TMPRSS11E: variants seen among roughly 807,000 people sequenced by gnomAD.
TMPRSS11E encodes the protein transmembrane protease serine 11E.
Under a neutral mutation model 48.1 loss-of-function variants are expected in TMPRSS11E, and 38 were observed. The ratio of observed to expected loss-of-function variants is 0.79; its 90% confidence interval spans 0.61 to 1.04. The LOEUF (loss-of-function observed/expected upper bound fraction) is 1.04, where lower values mean the gene tolerates loss of function less well. Among genes scored for constraint, TMPRSS11E ranks in the 50% least tolerant of loss-of-function variants. The pLI, the probability that TMPRSS11E is intolerant of heterozygous loss-of-function variation, is 0.00. For missense variants in TMPRSS11E, 530 were observed against 510.8 expected (o/e 1.04, Z -0.36); for synonymous variants, 158 against 171.9 (o/e 0.92, Z 0.63).
rs144731720 is a variant in TMPRSS11E, at chr4:68,487,532, G to A, written c.1110+8541G>A. ...CTTCCAAAGTGCTGGGATTACAGGCGTGAGAAACCATGCCTAGCCAGGTAA... is the reference window on the plus strand; with the variant it reads ...CTTCCAAAGTGCTGGGATTACAGGCATGAGAAACCATGCCTAGCCAGGTAA... On this transcript the variant is annotated intron_variant, in intron 9 of 9. Transcript: ENST00000305363. Among the ~76,000 whole-genome samples, 455 of 152,162 alleles carry A rather than the reference G, an allele frequency of 3.0e-3. 3 individuals carry two copies. Among genetic ancestry groups the A allele is most frequent in the African/African-American group, 0.01 (426 of 41,502 alleles).
intron 1 of TMPRSS11E, among the ~76,000 whole-genome samples, chr4:68,450,375 T>A (rs1344690007): frequency 6.6e-6 from 1 of 151,956 alleles, no homozygotes; most frequent in African/African-American, 2.4e-5. Context: ...ATGAAGCACC[T>A]GTGGCTCAGA....
chr4:68,467,578 C>G (rs2109682522), intron 3 of TMPRSS11E, among the ~76,000 whole-genome samples: 1 of 152,244 alleles, frequency 6.6e-6, no homozygotes, highest in Middle Eastern at 3.4e-3. Context: ...TATCATTCTG[C>G]ACAAAGTTCT....
At chr4:68,484,009 T>C (rs184607948) in intron 9 of TMPRSS11E, among the ~76,000 whole-genome samples, 1 of 152,122 alleles carries the variant, frequency 6.6e-6, no homozygotes, top group Non-Finnish European at 1.5e-5. Flanking sequence ...ACTTTTTTTG[T>C]ACTAGCACCA....
At chr4:68,476,479 T>C in intron 7 of TMPRSS11E, 41 bp downstream of exon 7, 3 of 1,547,000 alleles carry the variant, frequency 1.9e-6, no homozygotes, top group Non-Finnish European at 2.6e-6. Flanking sequence ...GTGAACAAAG[T>C]GCACTGGGTT....
chr4:68,494,900 A>G (rs1429183680), intron 9 of TMPRSS11E, among the ~76,000 whole-genome samples: 1 of 152,184 alleles, frequency 6.6e-6, no homozygotes, highest in African/African-American at 2.4e-5. Context: ...TAAAACTGAT[A>G]CAAAGCTAGG....
At chr4:68,492,461 G>A (rs1729753830) in intron 9 of TMPRSS11E, among the ~76,000 whole-genome samples, 1 of 152,120 alleles carries the variant, frequency 6.6e-6, no homozygotes, top group Admixed American at 6.5e-5. Context: ...GGTCTACATA[G>A]TGCTACATTT....
intron 9 of TMPRSS11E, among the ~76,000 whole-genome samples, chr4:68,483,341 T>C (rs2168047): frequency 0.6 from 91,578 of 152,078 alleles, 28,175 homozygotes; most frequent in East Asian, 0.87. Context: ...AGCACTATGC[T>C]GTCAGGGATC....
At chr4:68,496,495 A>G (rs1259503936) in intron 9 of TMPRSS11E, 148 bp from the exon 10 acceptor site, 4 of 785,470 alleles carry the variant, frequency 5.1e-6, no homozygotes, top group Admixed American at 2.6e-5. Flanking sequence ...TGGATAACTG[A>G]CATAGATGGA....
chr4:68,462,347 C>T (rs942913539), intron 2 of TMPRSS11E, among the ~76,000 whole-genome samples: 8 of 148,226 alleles, frequency 5.4e-5, no homozygotes, highest in Non-Finnish European at 8.9e-5. Flanking sequence ...GAGGCTGAGG[C>T]GGGTGGATCA....
At chr4:68,494,052 TTC>T (rs1041800012) in intron 9 of TMPRSS11E, among the ~76,000 whole-genome samples, 1 of 151,706 alleles carries the variant, frequency 6.6e-6, no homozygotes, top group Non-Finnish European at 1.5e-5. Context: ...TGATTAATCT[TTC>T]TCTCTCTCTC....
chr4:68,492,114 T>C (rs1729741926), intron 9 of TMPRSS11E, among the ~76,000 whole-genome samples: 1 of 152,218 alleles, frequency 6.6e-6, no homozygotes, highest in Non-Finnish European at 1.5e-5. Flanking sequence ...ACAAAGTAGA[T>C]TGGTCCCATT....
intron 9 of TMPRSS11E, among the ~76,000 whole-genome samples, chr4:68,480,588 A>T (rs936123279): frequency 6.6e-6 from 1 of 152,068 alleles, no homozygotes; most frequent in African/African-American, 2.4e-5. Context: ...GCTGCTTTAA[A>T]ATCTTTGTCA....
At chr4:68,456,431 T>C (rs1728632116) in intron 1 of TMPRSS11E, among the ~76,000 whole-genome samples, 1 of 152,006 alleles carries the variant, frequency 6.6e-6, no homozygotes, top group Non-Finnish European at 1.5e-5. Flanking sequence ...TAATTTTATG[T>C]GGAGTAATTT....
chr4:68,476,131 G>C, intron 6 of TMPRSS11E, 130 bp from the exon 7 acceptor site: 7 of 1,216,566 alleles, frequency 5.8e-6, no homozygotes, highest in Non-Finnish European at 8.3e-6. Context: ...AAAGGTAAGA[G>C]CATGAGAAAA....
At chr4:68,472,395 T>C (rs1468632253) in intron 5 of TMPRSS11E, among the ~76,000 whole-genome samples, 1 of 149,748 alleles carries the variant, frequency 6.7e-6, no homozygotes, top group Non-Finnish European at 1.5e-5. Flanking sequence ...CAAAGTATTA[T>C]CATTTAAACA....
rs141580903 is a variant in TMPRSS11E, at chr4:68,496,764, C to T, written c.1232C>T (p.Thr411Met). 1.7e-4 allele frequency: 272 copies of T among 1,613,364 alleles called. No individual in the cohort carries two copies. The East Asian group carries it at 3.3e-3, about 20-fold the overall frequency. ...PNKPGVYTRV[T>M]ALRDWITSKT... ...AAGCCTGGTGTTTATACTAGAGTTA[C>T]GGCCTTGCGGGACTGGATTACTTCA... Residue 411 changes from threonine (T) to methionine (M), a missense_variant, in exon 10 of 10, where the codon ACG becomes ATG. Coordinates refer to ENST00000305363, the MANE Select transcript of TMPRSS11E (RefSeq NM_014058.4).
intron 6 of TMPRSS11E, among the ~76,000 whole-genome samples, chr4:68,474,985 C>T (rs969626146): frequency 1.3e-5 from 2 of 151,922 alleles, no homozygotes; most frequent in African/African-American, 4.8e-5. Flanking sequence ...GTGCCTGTGG[C>T]AGATGTGTAG....
In TMPRSS11E at chr4:68,468,890, AT is replaced by A. The variant is rs1240388288; in HGVS notation, c.274del (p.Tyr92IlefsTer5). 2 of 1,607,486 alleles carry A rather than the reference AT, an allele frequency of 1.2e-6. No homozygotes were observed. The highest frequency in any genetic ancestry group is 1.7e-6 in the Non-Finnish European group (2 of 1,174,302). On this transcript the variant is annotated frameshift_variant, in exon 4 of 10. Coordinates refer to ENST00000305363, the MANE Select transcript of TMPRSS11E (RefSeq NM_014058.4). LOFTEE classifies it high-confidence loss of function. ...ATTTTTACAAACAGGTGAAAAATGC[AT>A]TTTATAAATCTCCATTAAGGGAAGA... ...QRLESMVKNA[F>X]YKSPLREEFV...
Position 68,476,249 on chromosome 4 carries a change from T to C in TMPRSS11E, c.530-12T>C. Reference sequence around the variant, plus strand: ...TGCACCCACCAATGCACCCCCCCTCTCTCTTTTGCAGGCTGCGGAACACGA... The same window carrying C: ...TGCACCCACCAATGCACCCCCCCTCCCTCTTTTGCAGGCTGCGGAACACGA... On this transcript the variant is annotated splice_polypyrimidine_tract_variant and intron_variant, in intron 6 of 9. Coordinates refer to ENST00000305363, the MANE Select transcript of TMPRSS11E (RefSeq NM_014058.4). 6.2e-7 allele frequency: 1 copy of C among 1,613,572 alleles called. No individual in the cohort carries two copies. Among genetic ancestry groups the C allele is most frequent in the Non-Finnish European group, 8.5e-7 (1 of 1,179,916 alleles).
Sources: gnomAD v4.1 joint callset for allele counts (sites outside exome capture counted in the v4.1 genomes callset) on GRCh38, gnomAD v4.1.1 for gene constraint, MANE v1.5 for transcripts, NCBI Gene and HGNC (gene_info 2026-07-23, HGNC 2026-07-21) for gene names.